The following NFIA variants were observed in gnomAD, a reference collection of about 807,000 sequenced individuals.
NFIA encodes nuclear factor I A, also known as nuclear factor 1 A-type.
NFIA carries 8 observed loss-of-function variants against 62.8 expected under a neutral mutation model. The observed-to-expected ratio is 0.13, with a 90% confidence interval of 0.07 to 0.23. The LOEUF is 0.23. Among genes scored for constraint, NFIA ranks in the 10% least tolerant of loss-of-function variants. The probability of loss-of-function intolerance (pLI) is 1.00; values close to 1 mark genes in which losing one functional copy is unlikely to be tolerated. For missense variants in NFIA, 410 were observed against 642.1 expected, an observed-to-expected ratio of 0.64 and a Z score of 3.91; for synonymous variants, 235 against 238.1, an observed-to-expected ratio of 0.99 and a Z score of 0.12.
chr1:61,433,650 A>T (rs1395369529), intron 10 of NFIA, among the ~76,000 whole-genome samples: 2 of 152,136 alleles, frequency 1.3e-5, no homozygotes, highest in Non-Finnish European at 2.9e-5. Context: ...GATAGCTTTC[A>T]TTGTTTGGTT....
In NFIA at chr1:61,082,681, TC is replaced by T; in HGVS notation, c.-110del. 1 of 1,530,880 alleles carries T rather than the reference TC, an allele frequency of 6.5e-7. No individual in the cohort carries two copies. The highest frequency in any genetic ancestry group is 8.8e-7 in the Non-Finnish European group (1 of 1,135,016). The allele number at this position is 1,530,880 out of a possible 1,614,324, so 94.8% of individuals were successfully genotyped here. On this transcript the variant is annotated 5_prime_UTR_variant, in exon 1 of 11. Coordinates refer to ENST00000403491, the MANE Select transcript of NFIA (RefSeq NM_001134673.4). The stretch of plus-strand genomic sequence containing the variant: ...TTTTTTTTCTCCCCCCTTCTCTCTC[TC>T]TCTCTCTCTCTCTCTTCCTCTCTCC...
chr1:61,450,981 C>T (rs541577925), intron 10 of NFIA, among the ~76,000 whole-genome samples: 26 of 152,282 alleles, frequency 1.7e-4, no homozygotes, highest in African/African-American at 2.6e-4. Context: ...TTGTTGCTAA[C>T]GCAGGGGTTG....
At chr1:61,212,557 A>G (rs959763953) in intron 2 of NFIA, among the ~76,000 whole-genome samples, 1 of 152,198 alleles carries the variant, frequency 6.6e-6, no homozygotes, top group Non-Finnish European at 1.5e-5. Context: ...TGTGAATTTT[A>G]AAGAAGCTCA....
intron 2 of NFIA, among the ~76,000 whole-genome samples, chr1:61,205,058 T>G (rs1286007434): frequency 1.3e-5 from 2 of 152,130 alleles, no homozygotes; most frequent in African/African-American, 2.4e-5. Flanking sequence ...ATAAATTCAT[T>G]TTCACTATCA....
At chr1:61,293,821 G>A (rs1172595389) in intron 3 of NFIA, among the ~76,000 whole-genome samples, 1 of 152,224 alleles carries the variant, frequency 6.6e-6, no homozygotes, top group Non-Finnish European at 1.5e-5. Flanking sequence ...CATGTGAGAA[G>A]TCCTTGCTTT....
intron 7 of NFIA, among the ~76,000 whole-genome samples, chr1:61,393,244 CCTCTCTCTCTCT>C (rs766730638): frequency 1.3e-3 from 37 of 29,106 alleles, no homozygotes; most frequent in Middle Eastern, 0.023. Flanking sequence ...TCGCCCTCTC[CCTCTCTCTCTCT>C]CTCTCTCTCT....
At chr1:61,166,183 T>C (rs888389107) in intron 2 of NFIA, among the ~76,000 whole-genome samples, 3 of 152,176 alleles carry the variant, frequency 2.0e-5, no homozygotes, top group African/African-American at 7.2e-5. Context: ...TAGGGAAACC[T>C]ATTTGTATAG....
chr1:61,438,988 CATG>C (rs1667455118), intron 10 of NFIA, among the ~76,000 whole-genome samples: 1 of 136,000 alleles, frequency 7.4e-6, no homozygotes, highest in African/African-American at 2.8e-5. Flanking sequence ...CCATTCCTAA[CATG>C]CATGCAGACA....
rs551559611 is a variant in NFIA, at chr1:61,413,382, T to C, written c.1420+6655T>C. ...ACATATGTATTATCTTATCCCATCT[T>C]CTCAACACTCCTATGAGGTCAGGAT... On this transcript the variant is annotated intron_variant, in intron 9 of 10. Coordinates refer to ENST00000403491, the MANE Select transcript of NFIA (RefSeq NM_001134673.4). 4.6e-5 allele frequency among the ~76,000 whole-genome samples: 7 copies of C among 152,240 alleles called. No individual in the cohort carries two copies. The South Asian group carries it at 1.5e-3, about 32-fold the overall frequency.
At chr1:61,206,278 G>A (rs1652896606) in intron 2 of NFIA, among the ~76,000 whole-genome samples, 1 of 151,980 alleles carries the variant, frequency 6.6e-6, no homozygotes, top group African/African-American at 2.4e-5. Context: ...TCAATGTTTT[G>A]TATTTGTATG....
chr1:61,126,767 T>C (rs573980946), intron 2 of NFIA, among the ~76,000 whole-genome samples: 1 of 144,668 alleles, frequency 6.9e-6, no homozygotes, highest in Admixed American at 7.3e-5. Context: ...CAGTAACTAT[T>C]GTCAGATTCC....
At chr1:61,239,305 T>C (rs373006400) in intron 2 of NFIA, among the ~76,000 whole-genome samples, 2 of 152,180 alleles carry the variant, frequency 1.3e-5, no homozygotes, top group East Asian at 3.8e-4. Context: ...TGAAACTAAA[T>C]GATTACTTTT....
At chr1:61,360,548 G>A (rs1409423145) in intron 6 of NFIA, among the ~76,000 whole-genome samples, 2 of 152,204 alleles carry the variant, frequency 1.3e-5, no homozygotes, top group Non-Finnish European at 1.5e-5. Flanking sequence ...TTGCTTCAGA[G>A]TTAATTCCCT....
At chr1:61,324,377 T>C (rs994637180) in intron 3 of NFIA, among the ~76,000 whole-genome samples, 30 of 152,300 alleles carry the variant, frequency 2.0e-4, no homozygotes, top group African/African-American at 6.7e-4. Flanking sequence ...GGAACCCTAT[T>C]TACCAAAGGA....
intron 4 of NFIA, among the ~76,000 whole-genome samples, chr1:61,334,112 G>C (rs1661455447): frequency 6.6e-6 from 1 of 152,188 alleles, no homozygotes; most frequent in Non-Finnish European, 1.5e-5. Flanking sequence ...GAGATCTATA[G>C]CATGAGACTA....
chr1:61,367,827 A>G (rs1663671295), intron 6 of NFIA, among the ~76,000 whole-genome samples: 1 of 145,716 alleles, frequency 6.9e-6, no homozygotes, highest in African/African-American at 2.5e-5. Context: ...TATGTGTTAT[A>G]TACATATATA....
chr1:61,400,182 C>T (rs994886659), intron 7 of NFIA, among the ~76,000 whole-genome samples: 1 of 152,148 alleles, frequency 6.6e-6, no homozygotes, highest in Non-Finnish European at 1.5e-5. Context: ...GTATTACACC[C>T]TTTGGGAAAT....
chr1:61,202,182 G>C (rs115882681), intron 2 of NFIA, among the ~76,000 whole-genome samples: 1 of 152,100 alleles, frequency 6.6e-6, no homozygotes, highest in Non-Finnish European at 1.5e-5. Flanking sequence ...GAATTAAAGC[G>C]TTATCTCCCT....
intron 7 of NFIA, among the ~76,000 whole-genome samples, chr1:61,396,624 A>C (rs1176504111): frequency 1.3e-5 from 2 of 152,138 alleles, no homozygotes; most frequent in Admixed American, 1.3e-4. Context: ...TGGGACTTTC[A>C]AGGGAAATGA....
Sources: gnomAD v4.1 joint callset for allele counts (sites outside exome capture counted in the v4.1 genomes callset) on GRCh38, gnomAD v4.1.1 for gene constraint, MANE v1.5 for transcripts, NCBI Gene and HGNC (gene_info 2026-07-23, HGNC 2026-07-21) for gene names.